The following VAMP1 variants were observed in gnomAD, a reference collection of about 807,000 sequenced individuals.
VAMP1 encodes vesicle-associated membrane protein 1.
VAMP1 carries 16 observed loss-of-function variants against 19.1 expected under a neutral mutation model. That is an observed-to-expected ratio of 0.84 (90% CI 0.57 to 1.27). The LOEUF is 1.27. VAMP1 is among the 50% of genes most tolerant of loss of function. The pLI is 0.00. For missense variants in VAMP1, 109 were observed against 145.4 expected (o/e 0.75, Z 1.29); for synonymous variants, 37 against 50.2 (o/e 0.74, Z 1.11).
intron 1 of VAMP1, among the ~76,000 whole-genome samples, chr12:6,469,296 G>C (rs548896585): frequency 6.6e-6 from 1 of 152,286 alleles, no homozygotes; most frequent in East Asian, 1.9e-4. Flanking sequence ...AAGCAGTCCA[G>C]GATGGTAGCA....
chr12:6,466,019 C>A lies in VAMP1; in HGVS notation c.130-19G>T. The A allele has an allele frequency of 6.2e-7, 1 of 1,613,946 alleles. No individual in the cohort carries two copies. The highest frequency in any genetic ancestry group is 1.1e-5 in the South Asian group (1 of 91,082). On this transcript the variant is annotated intron_variant, in intron 2 of 4. Coordinates refer to ENST00000396308, the MANE Select transcript of VAMP1 (RefSeq NM_014231.5). ...CCACCACCTGAGGAGGGCACAGAAA[C>A]AAAGCAGCTAAGCTTCCTGCCAGAG...
rs1949944526 is a variant in VAMP1 at position 6,464,108 on chromosome 12, C to T, written c.*362G>A. 7.5e-7 allele frequency: 1 copy of T among 1,327,818 alleles called. No individual in the cohort carries two copies. The highest frequency in any genetic ancestry group is 2.2e-5 in the Admixed American group (1 of 44,506). 82.3% of individuals were successfully genotyped at this position (1,327,818 alleles called of 1,614,324 possible). On this transcript the variant is annotated 3_prime_UTR_variant, in exon 5 of 5. Coordinates refer to ENST00000396308, the MANE Select transcript of VAMP1 (RefSeq NM_014231.5). ...AGAAGTCACCATGGGCACCGATACTCTTCTCCTCCCAAGTCTGGGCAGCTT... is the reference window on the plus strand; with the variant it reads ...AGAAGTCACCATGGGCACCGATACTTTTCTCCTCCCAAGTCTGGGCAGCTT...
intron 4 of VAMP1, 34 bp downstream of exon 4, chr12:6,464,856 T>C (rs767853659): frequency 6.2e-7 from 1 of 1,613,744 alleles, no homozygotes; most frequent in South Asian, 1.1e-5. Flanking sequence ...CCTTCCCACC[T>C]CTTCACCCCA....
At position 6,462,708 on chromosome 12, in the gene VAMP1, T is replaced by TCGAG; in HGVS notation, c.*1758_*1761dup. 9.6e-7 allele frequency: 1 copy of TCGAG among 1,041,734 alleles called. No homozygotes were observed. The highest frequency in any genetic ancestry group is 1.4e-6 in the Non-Finnish European group (1 of 720,744). 64.5% of individuals were successfully genotyped at this position (1,041,734 alleles called of 1,614,324 possible). A position where few individuals can be genotyped will look rare whatever the true frequency, so the allele number is the denominator to read the frequency against. On this transcript the variant is annotated 3_prime_UTR_variant, in exon 5 of 5. Transcript: ENST00000396308. ...GGATTCGCTCCAGGCTTGGGACACA[T>TCGAG]CGAGGACAGTGGTGGTTCTTCTCCA...
Position 6,462,994 on chromosome 12 carries a change from G to A in VAMP1, c.*1476C>T, listed in dbSNP as rs1419542591. The A allele has an allele frequency of 2.6e-6, 4 of 1,550,622 alleles. No individual in the cohort carries two copies. Among genetic ancestry groups the A allele is most frequent in the African/African-American group, 2.7e-5 (2 of 73,170 alleles). On this transcript the variant is annotated 3_prime_UTR_variant, in exon 5 of 5. Transcript: ENST00000396308. ...CCTGTTCGTGGACCGAGGGAAGAAG[G>A]AATAAAGGGCCATGGGCATTCTCCG...
chr12:6,465,313 A>G (rs542784434), intron 3 of VAMP1: 4 of 371,182 alleles, frequency 1.1e-5, no homozygotes, highest in East Asian at 9.3e-5. Context: ...ATTTAAAAAT[A>G]TATATTTCAA....
At chr12:6,466,094 C>A in intron 2 of VAMP1, 94 bp from the exon 3 acceptor site, 2 of 1,611,406 alleles carry the variant, frequency 1.2e-6, no homozygotes, top group South Asian at 2.2e-5. Context: ...CCCTGTGCAA[C>A]TCTAAAGGGT....
At chr12:6,470,444 T>A in intron 1 of VAMP1, 86 bp downstream of exon 1, 1 of 1,594,656 alleles carries the variant, frequency 6.3e-7, no homozygotes, top group Non-Finnish European at 8.6e-7. Context: ...GCTGCTGCAT[T>A]GCGCCATTTT....
intron 1 of VAMP1, among the ~76,000 whole-genome samples, chr12:6,470,268 C>T (rs1195101740): frequency 6.6e-6 from 1 of 152,070 alleles, no homozygotes; most frequent in Non-Finnish European, 1.5e-5. Flanking sequence ...GAATGAGGCG[C>T]CACTCAGACG....
Position 6,465,884 on chromosome 12 carries a change from A to T in VAMP1, c.246T>A (p.Ser82Arg). ...LQAGASQFES[S>R]AAKLKRKYWW... ...AATACTTCCTCTTTAGCTTGGCAGC[A>T]CTGCTCTCAAATTGTGATGCTCCTG... Residue 82 changes from serine to arginine, a missense_variant, in exon 3 of 5, where the codon AGT becomes AGA. By Grantham distance (110) the Ser-to-Arg change is moderately radical (BLOSUM62 -1). Coordinates refer to ENST00000396308, the MANE Select transcript of VAMP1 (RefSeq NM_014231.5). 1 of 1,614,224 alleles carries T rather than the reference A, an allele frequency of 6.2e-7. No individual in the cohort carries two copies. Among genetic ancestry groups the T allele is most frequent in the South Asian group, 1.1e-5 (1 of 91,088 alleles).
chr12:6,466,488 G>T, intron 1 of VAMP1, 137 bp from the exon 2 acceptor site: 3 of 891,060 alleles, frequency 3.4e-6, no homozygotes, highest in Non-Finnish European at 4.9e-6. Flanking sequence ...TTCGAGGCCA[G>T]CCTGGGCATC....
chr12:6,463,275 A>T lies in VAMP1; in HGVS notation c.*1195T>A. The T allele has an allele frequency of 1.5e-6, 2 of 1,329,248 alleles. No individual in the cohort carries two copies. Among genetic ancestry groups the T allele is most frequent in the Non-Finnish European group, 1.9e-6 (2 of 1,035,682 alleles). The allele number at this position is 1,329,248 out of a possible 1,614,324, so 82.3% of individuals were successfully genotyped here. On this transcript the variant is annotated 3_prime_UTR_variant, in exon 5 of 5. Coordinates refer to ENST00000396308, the MANE Select transcript of VAMP1 (RefSeq NM_014231.5). The surrounding 1 kb of genome is among the most constrained non-coding windows in gnomAD (Gnocchi z 4.0). ...CGGCTCTCAAGGAGAGGGCCCCATG[A>T]CAGCACAGCAATACACAAGCACACC...
chr12:6,463,744 C>T lies in VAMP1; in HGVS notation c.*726G>A. On this transcript the variant is annotated 3_prime_UTR_variant, in exon 5 of 5. Coordinates refer to ENST00000396308, the MANE Select transcript of VAMP1 (RefSeq NM_014231.5). This position sits in a 1 kb window ranked among gnomAD's most constrained non-coding sequence, Gnocchi z 4.0. ...TAGAAAATGTAAAGAAGAGAAAGCT[C>T]CTTCCAGCTAGAAGCACATGGGACT... The T allele has an allele frequency of 8.6e-7, 1 of 1,156,558 alleles. No individual in the cohort carries two copies. Among genetic ancestry groups the T allele is most frequent in the South Asian group, 1.8e-5 (1 of 56,254 alleles). 71.6% of individuals were successfully genotyped at this position (1,156,558 alleles called of 1,614,324 possible).
intron 4 of VAMP1, 168 bp from the exon 5 acceptor site, chr12:6,464,654 T>C (rs575177840): frequency 2.1e-6 from 3 of 1,459,044 alleles, no homozygotes; most frequent in Non-Finnish European, 1.8e-6. Flanking sequence ...ATAGCCCCAC[T>C]TCCTCAGAAC....
At chr12:6,469,004 T>C (rs935812908) in intron 1 of VAMP1, among the ~76,000 whole-genome samples, 5 of 152,304 alleles carry the variant, frequency 3.3e-5, no homozygotes, top group African/African-American at 1.2e-4. Flanking sequence ...ACAATAGAAC[T>C]AATACCCAGA....
At chr12:6,465,360 A>ATATATATATATAAATGTATATATATG (rs1565525926) in intron 3 of VAMP1, 1 of 187,594 alleles carries the variant, frequency 5.3e-6, no homozygotes. Flanking sequence ...AGAAAAAAGT[A>ATATATATATATAAATGTATATATATG]TATATATATA....
At chr12:6,464,862 C>G (rs753172231) in intron 4 of VAMP1, 28 bp downstream of exon 4, 1 of 1,613,878 alleles carries the variant, frequency 6.2e-7, no homozygotes, top group East Asian at 2.2e-5. Flanking sequence ...CACCTCTTCA[C>G]CCCACCAGCA....
At chr12:6,469,541 C>T (rs907330388) in intron 1 of VAMP1, among the ~76,000 whole-genome samples, 4 of 152,188 alleles carry the variant, frequency 2.6e-5, no homozygotes, top group African/African-American at 9.7e-5. Context: ...GCCAATTTCA[C>T]TTACTACTTG....
intron 1 of VAMP1, among the ~76,000 whole-genome samples, chr12:6,467,521 A>G (rs1475270455): frequency 6.6e-6 from 1 of 152,214 alleles, no homozygotes; most frequent in Admixed American, 6.5e-5. Context: ...TGAACTTGAG[A>G]GAGATAATTT....
Sources: gnomAD v4.1 joint callset for allele counts (sites outside exome capture counted in the v4.1 genomes callset) on GRCh38, gnomAD v4.1.1 for gene constraint, Gnocchi (gnomAD v3.1) non-coding constraint, MANE v1.5 for transcripts, NCBI Gene and HGNC (gene_info 2026-07-23, HGNC 2026-07-21) for gene names.